The following ANKRD16 variants were observed in gnomAD, a reference collection of about 807,000 sequenced individuals.
ANKRD16 encodes the protein ankyrin repeat domain-containing protein 16.
Under a neutral mutation model 37.9 loss-of-function variants are expected in ANKRD16, and 35 were observed. The ratio of observed to expected loss-of-function variants is 0.92; its 90% CI spans 0.71 to 1.23. The LOEUF is 1.23. Among genes scored for constraint, ANKRD16 ranks in the 50% most tolerant of loss-of-function variants. The probability of loss-of-function intolerance (pLI) is 0.00; values close to 1 mark genes in which losing one functional copy is unlikely to be tolerated. For missense variants in ANKRD16, 480 were observed against 469.9 expected, an observed-to-expected ratio of 1.02 and a Z score of -0.20; for synonymous variants, 206 against 197.2, an observed-to-expected ratio of 1.04 and a Z score of -0.37.
In ANKRD16 at chr10:5,878,059, G is replaced by A; in HGVS notation, c.*33+38C>T. ...AAACTGGCTTCCAACTGGTTTCGCT[G>A]AATCTGTGACTGACTTAAGAAGCAG... On this transcript the variant is annotated intron_variant, in intron 7 of 7. Transcript: ENST00000380094. This position sits in a 1 kb window ranked among gnomAD's most constrained non-coding sequence, Gnocchi z 5.1. 1 of 1,544,766 alleles carries A rather than the reference G, an allele frequency of 6.5e-7. No individual in the cohort carries two copies. Among genetic ancestry groups the A allele is most frequent in the Non-Finnish European group, 8.7e-7 (1 of 1,144,166 alleles).
In ANKRD16 at chr10:5,862,963, C is replaced by T. The variant is rs1392627889; in HGVS notation, c.*34-272G>A. On this transcript the variant is annotated intron_variant, in intron 7 of 7. Transcript: ENST00000380094. This position sits in a 1 kb window ranked among gnomAD's most constrained non-coding sequence, Gnocchi z 6.5. Reference sequence around the variant, plus strand: ...TAAATGACCCTTCTGCTCTGTTTGCCTGGAAAAGTCCCCATCTTAGTGAAT... The same window carrying T: ...TAAATGACCCTTCTGCTCTGTTTGCTTGGAAAAGTCCCCATCTTAGTGAAT... Among the ~76,000 whole-genome samples, 2 of 152,146 alleles carry T rather than the reference C, an allele frequency of 1.3e-5. No individual in the cohort carries two copies. Among genetic ancestry groups the T allele is most frequent in the East Asian group, 1.9e-4 (1 of 5,200 alleles).
At chr10:5,872,929 C>T (rs931774354) in intron 7 of ANKRD16, among the ~76,000 whole-genome samples, 2 of 151,390 alleles carry the variant, frequency 1.3e-5, no homozygotes, top group Non-Finnish European at 3.0e-5. Context: ...GGTGTGATCT[C>T]GGCTCACTGC....
At chr10:5,867,122 C>A (rs955405167) in intron 7 of ANKRD16, among the ~76,000 whole-genome samples, 1 of 152,210 alleles carries the variant, frequency 6.6e-6, no homozygotes, top group Admixed American at 6.5e-5. Context: ...CACTCCAATA[C>A]CACCTTGTTA....
At chr10:5,879,374 A>G (rs943198521) in intron 6 of ANKRD16, among the ~76,000 whole-genome samples, 3 of 151,938 alleles carry the variant, frequency 2.0e-5, no homozygotes, top group African/African-American at 7.3e-5. Context: ...CTTGGGAGGC[A>G]GAAGAATCGC....
rs1412922558 is a variant in ANKRD16, at chr10:5,865,216, A to G, written c.*34-2525T>C. Among the ~76,000 whole-genome samples the G allele has an allele frequency of 6.6e-6, 1 of 152,202 alleles. No homozygotes were observed. Among genetic ancestry groups the G allele is most frequent in the Non-Finnish European group, 1.5e-5 (1 of 68,032 alleles). ...AGGGCTTGTTACCAGTGTGGTTTGCAAGGACACCTTAAAAAAGACTGTCCA... is the reference window on the plus strand; with the variant it reads ...AGGGCTTGTTACCAGTGTGGTTTGCGAGGACACCTTAAAAAAGACTGTCCA... On this transcript the variant is annotated intron_variant, in intron 7 of 7. Coordinates refer to ENST00000380094, the MANE Select transcript of ANKRD16 (RefSeq NM_019046.3). This position sits in a 1 kb window ranked among gnomAD's most constrained non-coding sequence, Gnocchi z 4.7.
Position 5,862,152 on chromosome 10 carries a change from C to A in ANKRD16, c.*573G>T, listed in dbSNP as rs553941220. ...TCTCCTGACCTCATGATCCTCCCGC[C>A]TCGGCCTCCCAAAGTGCTGGGATTA... On this transcript the variant is annotated 3_prime_UTR_variant, in exon 8 of 8. Coordinates refer to ENST00000380094, the MANE Select transcript of ANKRD16 (RefSeq NM_019046.3). This position sits in a 1 kb window ranked among gnomAD's most constrained non-coding sequence, Gnocchi z 6.5. 7.8e-4 allele frequency: 168 copies of A among 214,654 alleles called. 2 individuals carry two copies. The South Asian group carries it at 0.011, about 14-fold the overall frequency. The allele number at this position is 214,654 out of a possible 1,614,324, so 13.3% of individuals were successfully genotyped here.
At chr10:5,880,927 C>T (rs1842289878) in intron 5 of ANKRD16, among the ~76,000 whole-genome samples, 1 of 151,046 alleles carries the variant, frequency 6.6e-6, no homozygotes, top group South Asian at 2.1e-4. Context: ...CAGTCGACTG[C>T]TAAAAGTGAA....
At chr10:5,873,694 C>G (rs981426538) in intron 7 of ANKRD16, among the ~76,000 whole-genome samples, 2 of 152,162 alleles carry the variant, frequency 1.3e-5, no homozygotes, top group African/African-American at 4.8e-5. Flanking sequence ...TTGCTCCTCC[C>G]TCTTCTCACT....
Position 5,889,312 on chromosome 10 carries a change from G to A in ANKRD16, c.43C>T (p.Gln15Ter). 3.7e-6 allele frequency: 5 copies of A among 1,343,570 alleles called. No homozygotes were observed. The highest frequency in any genetic ancestry group is 4.8e-6 in the Non-Finnish European group (5 of 1,052,608). 83.2% of individuals were successfully genotyped at this position (1,343,570 alleles called of 1,614,324 possible). The change falls in exon 1 of 8, where the codon CAG (glutamine) becomes TAG (stop). Residue 15 changes from glutamine to a stop codon, truncating the protein, a stop_gained. Coordinates refer to ENST00000380094, the MANE Select transcript of ANKRD16 (RefSeq NM_019046.3). LOFTEE classifies it high-confidence loss of function. ...TTCAGGGCGCGCAGCCGGCCCTCCT[G>A]CACCAGCCTGCAGAGGCGCCGCGGG... Reference protein sequence around the residue: ...GDPRRLCRLVQEGRLRALKEE... With the variant: ...GDPRRLCRLV
At chr10:5,872,628 C>T (rs1452351512) in intron 7 of ANKRD16, among the ~76,000 whole-genome samples, 1 of 151,840 alleles carries the variant, frequency 6.6e-6, no homozygotes, top group East Asian at 1.9e-4. Flanking sequence ...GCGATCTCAG[C>T]TCACTGCAAG....
intron 6 of ANKRD16, among the ~76,000 whole-genome samples, chr10:5,879,061 C>A (rs1287148008): frequency 6.6e-6 from 1 of 152,192 alleles, no homozygotes; most frequent in African/African-American, 2.4e-5. Context: ...TTCAGGGGCA[C>A]TGGTGATTCT....
At chr10:5,875,325 C>G (rs975316073) in intron 7 of ANKRD16, among the ~76,000 whole-genome samples, 3 of 152,142 alleles carry the variant, frequency 2.0e-5, no homozygotes, top group African/African-American at 7.2e-5. Flanking sequence ...ATCGCCCATT[C>G]ATTAACTATA....
intron 7 of ANKRD16, among the ~76,000 whole-genome samples, chr10:5,867,518 T>C (rs1304176704): frequency 6.6e-6 from 1 of 152,236 alleles, no homozygotes; most frequent in African/African-American, 2.4e-5. Flanking sequence ...TGAACGAGGT[T>C]TTATTAATAG....
intron 5 of ANKRD16, among the ~76,000 whole-genome samples, chr10:5,881,596 C>G (rs1192508836): frequency 6.7e-6 from 1 of 150,072 alleles, no homozygotes; most frequent in Non-Finnish European, 1.5e-5. Flanking sequence ...TCCTGAGTAG[C>G]TGGGACTAGT....
intron 7 of ANKRD16, among the ~76,000 whole-genome samples, chr10:5,875,674 T>G (rs1842171252): frequency 2.0e-5 from 3 of 152,014 alleles, no homozygotes; most frequent in Admixed American, 2.0e-4. Context: ...ATCTGGTTAT[T>G]ATTCTATTAT....
rs1380814038 is a variant in ANKRD16 at position 5,883,165 on chromosome 10, A to AG, written c.689dup (p.Cys231LeufsTer31). The stretch of plus-strand genomic sequence containing the variant: ...CCAGGCTGTCTTCTGCTGAAAGGCA[A>AG]GCCTAGTGGGCAGAGGAGAGAAAGG... On this transcript the variant is annotated frameshift_variant and splice_region_variant, in exon 5 of 8. Transcript: ENST00000380094. LOFTEE classifies it high-confidence loss of function. The AG allele has an allele frequency of 6.2e-7, 1 of 1,613,508 alleles. No individual in the cohort carries two copies. Among genetic ancestry groups the AG allele is most frequent in the Non-Finnish European group, 8.5e-7 (1 of 1,179,966 alleles).
At chr10:5,867,158 A>G (rs962950585) in intron 7 of ANKRD16, among the ~76,000 whole-genome samples, 15 of 152,360 alleles carry the variant, frequency 9.8e-5, no homozygotes, top group African/African-American at 3.6e-4. Context: ...GCGTAGCCTG[A>G]AAGTACTGAG....
rs752942612 is a variant in ANKRD16 at position 5,862,345 on chromosome 10, C to T, written c.*380G>A. 111 of 432,240 alleles carry T rather than the reference C, an allele frequency of 2.6e-4. No homozygotes were observed. The highest frequency in any genetic ancestry group is 5.4e-4 in the South Asian group (33 of 60,750). 26.8% of individuals were successfully genotyped at this position (432,240 alleles called of 1,614,324 possible). ...TGTTTCTTTCTTTCTGTCGGTGGTT[C>T]CTGAGGGTTGTGACGATCAGGGCAG... On this transcript the variant is annotated 3_prime_UTR_variant, in exon 8 of 8. Coordinates refer to ENST00000380094, the MANE Select transcript of ANKRD16 (RefSeq NM_019046.3). This position sits in a 1 kb window ranked among gnomAD's most constrained non-coding sequence, Gnocchi z 6.5.
At position 5,866,965 on chromosome 10, in the gene ANKRD16, G is replaced by A. The variant is rs1325513836; in HGVS notation, c.*34-4274C>T. On this transcript the variant is annotated intron_variant, in intron 7 of 7. Coordinates refer to ENST00000380094, the MANE Select transcript of ANKRD16 (RefSeq NM_019046.3). This position sits in a 1 kb window ranked among gnomAD's most constrained non-coding sequence, Gnocchi z 4.3. ...GGGAGAGACAAAGAGGGAGTCAGAA[G>A]GAGAGAGAAAGACAAAGAAGAAGTC... Among the ~76,000 whole-genome samples the A allele has an allele frequency of 2.0e-5, 3 of 151,890 alleles. No individual in the cohort carries two copies. Among genetic ancestry groups the A allele is most frequent in the Non-Finnish European group, 4.4e-5 (3 of 67,956 alleles).
Sources: gnomAD v4.1 joint callset for allele counts (sites outside exome capture counted in the v4.1 genomes callset) on GRCh38, gnomAD v4.1.1 for gene constraint, Gnocchi (gnomAD v3.1) non-coding constraint, MANE v1.5 for transcripts, NCBI Gene and HGNC (gene_info 2026-07-23, HGNC 2026-07-21) for gene names.